SLC5A4: variants seen among roughly 807,000 people sequenced by gnomAD.
SLC5A4 encodes solute carrier family 5 member 4, also known as probable glucose sensor protein SLC5A4.
A neutral mutation model predicts 70.3 loss-of-function variants in SLC5A4; 55 were observed. That is an observed-to-expected ratio of 0.78 (90% CI 0.63 to 0.98). The LOEUF is 0.98. SLC5A4 is among the 50% of genes least tolerant of loss of function. SLC5A4 has a pLI of 0.00. For missense variants in SLC5A4, 735 were observed against 839.2 expected, an observed-to-expected ratio of 0.88 and a Z score of 1.53; for synonymous variants, 268 against 305.7, an observed-to-expected ratio of 0.88 and a Z score of 1.29.
chr22:32,273,123 C>T, the SLC5A4 span: 3 of 458,070 alleles, frequency 6.5e-6, no homozygotes, highest in Non-Finnish European at 1.3e-5. Flanking sequence ...CCATGGATGT[C>T]GCTGCCACCA....
At chr22:32,300,366 C>A in the SLC5A4 span, among the ~76,000 whole-genome samples, 1 of 151,910 alleles carries the variant, frequency 6.6e-6, no homozygotes, top group Non-Finnish European at 1.5e-5. Flanking sequence ...TCGTGGTGCA[C>A]CGTTTTTTAA....
At chr22:32,281,798 C>T in the SLC5A4 span, among the ~76,000 whole-genome samples, 1 of 151,340 alleles carries the variant, frequency 6.6e-6, no homozygotes, top group African/African-American at 2.4e-5. Flanking sequence ...GATTGTTCCT[C>T]CATCTTCAAA....
chr22:32,353,954 C>G, the SLC5A4 span, among the ~76,000 whole-genome samples: 112 of 151,216 alleles, frequency 7.4e-4, no homozygotes, highest in African/African-American at 2.6e-3. Flanking sequence ...CAGGGAGACG[C>G]CCCAACTCAC....
chr22:32,239,548 A>ATATATATT lies in SLC5A4; in HGVS notation c.478-459_478-458insAATATATA, dbSNP rs1926307548. Among the ~76,000 whole-genome samples the ATATATATT allele has an allele frequency of 3.3e-4, 5 of 15,236 alleles. No individual in the cohort carries two copies. In the Admixed American group the frequency reaches 4.4e-3, roughly 13 times the overall value. 10.0% of individuals were successfully genotyped at this position (15,236 alleles called of 152,430 possible). On this transcript the variant is annotated intron_variant, in intron 5 of 14. Coordinates refer to ENST00000266086, the MANE Select transcript of SLC5A4 (RefSeq NM_014227.3). ...TATATATATATATATATATATATAT[A>ATATATATT]TATATATATATATATATATATTTAT... is the stretch of plus-strand genomic sequence containing the variant.
At chr22:32,343,716 A>AT in the SLC5A4 span, among the ~76,000 whole-genome samples, 2 of 152,304 alleles carry the variant, frequency 1.3e-5, no homozygotes, top group East Asian at 3.9e-4. Flanking sequence ...GATGAACCCA[A>AT]TTATCAAGTC....
the SLC5A4 span, among the ~76,000 whole-genome samples, chr22:32,261,922 G>A: frequency 1.6e-4 from 25 of 152,284 alleles, no homozygotes; most frequent in Admixed American, 1.6e-3. Flanking sequence ...GAGAACATGT[G>A]ATGTTTGTCT....
upstream of SLC5A4, among the ~76,000 whole-genome samples, chr22:32,259,365 A>G (rs1306748868): frequency 1.3e-5 from 2 of 152,304 alleles, no homozygotes; most frequent in South Asian, 2.1e-4. Context: ...GGGTTTTCAT[A>G]TGTGGCTTTA....
At chr22:32,269,363 G>A in the SLC5A4 span, 11 of 393,470 alleles carry the variant, frequency 2.8e-5, no homozygotes, top group Non-Finnish European at 4.9e-5. The surrounding 1 kb of genome is among the most constrained non-coding windows in gnomAD (Gnocchi z 4.1). Flanking sequence ...ATAGGAGTGG[G>A]CTGGCCTGTC....
chr22:32,287,934 A>C, the SLC5A4 span, among the ~76,000 whole-genome samples: 2 of 151,412 alleles, frequency 1.3e-5, no homozygotes, highest in Non-Finnish European at 2.9e-5. Context: ...CTAGTTTAGA[A>C]ATCTCCAGAC....
chr22:32,221,004 C>G lies in SLC5A4; in HGVS notation c.1684G>C (p.Val562Leu), dbSNP rs770425967. The G allele has an allele frequency of 1.2e-6, 2 of 1,613,566 alleles. No homozygotes were observed. The highest frequency in any genetic ancestry group is 2.2e-5 in the South Asian group (2 of 91,074). ...CGCTCCTCTGTACTGTTCCGAAGAA[C>G]CCAGCACAGGCGGTACAGCTGAACA... is the stretch of plus-strand genomic sequence containing the variant. The part of the protein sequence containing the change: ...PDVHLYRLCW[V>L]LRNSTEERID... The change falls in exon 14 of 15, where the codon GTT (valine) becomes CTT (leucine). Residue 562 changes from valine to leucine, a missense_variant. By Grantham distance (32) the Val-to-Leu change is conservative (BLOSUM62 1). Transcript: ENST00000266086.
the SLC5A4 span, chr22:32,270,512 G>A: frequency 2.1e-5 from 15 of 721,376 alleles, no homozygotes; most frequent in Middle Eastern, 2.5e-4. Context: ...AATGACCACC[G>A]CAGACAGTGA....
At chr22:32,295,423 G>A in the SLC5A4 span, among the ~76,000 whole-genome samples, 78 of 111,602 alleles carry the variant, frequency 7.0e-4, 18 homozygotes, top group South Asian at 0.02. Context: ...CAGTGATGAT[G>A]AGCATTTTTT....
At chr22:32,301,637 C>T in the SLC5A4 span, among the ~76,000 whole-genome samples, 5 of 152,216 alleles carry the variant, frequency 3.3e-5, no homozygotes, top group South Asian at 1.0e-3. Context: ...AAAATCCTAG[C>T]TACCTTATTT....
chr22:32,220,926 C>A lies in SLC5A4; in HGVS notation c.1762G>T (p.Glu588Ter). The stretch of plus-strand genomic sequence containing the variant: ...AATGTAAACCAAATATTACCTTCTT[C>A]AACACCATCATCTGTTTCTTCCTGA... The part of the protein sequence containing the change: ...KSQEETDDGV[E>*]EDYPEKSRGC... Residue 588 changes from glutamate (E) to a stop codon, truncating the protein, a stop_gained, in exon 14 of 15, where the codon GAA (glutamate) becomes TAA (stop). Coordinates refer to ENST00000266086, the MANE Select transcript of SLC5A4 (RefSeq NM_014227.3). LOFTEE classifies it low-confidence loss of function (END_TRUNC). The A allele has an allele frequency of 6.2e-7, 1 of 1,604,276 alleles. No individual in the cohort carries two copies. The highest frequency in any genetic ancestry group is 8.5e-7 in the Non-Finnish European group (1 of 1,171,058).
At chr22:32,241,566 C>T (rs115751899) in intron 5 of SLC5A4, among the ~76,000 whole-genome samples, 18 of 152,114 alleles carry the variant, frequency 1.2e-4, no homozygotes, top group African/African-American at 3.4e-4. Flanking sequence ...TTGTTTCAGC[C>T]GGGCACAGTG....
the SLC5A4 span, among the ~76,000 whole-genome samples, chr22:32,324,271 A>G: frequency 0.15 from 20,028 of 137,984 alleles, 1,552 homozygotes; most frequent in Non-Finnish European, 0.18. Context: ...ATATATGTAT[A>G]TATATATACA....
At chr22:32,326,497 C>T in the SLC5A4 span, among the ~76,000 whole-genome samples, 11 of 152,072 alleles carry the variant, frequency 7.2e-5, 1 homozygote, top group African/African-American at 2.4e-4. Context: ...TCAGGTGATC[C>T]ACCCGCCTCG....
At chr22:32,257,956 C>T (rs1927574424), upstream of SLC5A4, among the ~76,000 whole-genome samples, 1 of 151,576 alleles carries the variant, frequency 6.6e-6, no homozygotes, top group Admixed American at 6.6e-5. Context: ...AGGTGTGAGC[C>T]ACCTCGCCCA....
the SLC5A4 span, chr22:32,272,984 G>T: frequency 3.7e-6 from 2 of 541,050 alleles, no homozygotes; most frequent in African/African-American, 1.9e-5. Context: ...GCTGCACGGG[G>T]AGCTGCTCAA....
Sources: allele counts gnomAD v4.1 joint callset (sites outside exome capture counted in the v4.1 genomes callset), GRCh38; gene constraint gnomAD v4.1.1; non-coding constraint Gnocchi (gnomAD v3.1); transcripts MANE v1.5; gene names NCBI Gene and HGNC (gene_info 2026-07-23, HGNC 2026-07-21).